The following DCDC2 variants were observed in gnomAD, a reference collection of about 807,000 sequenced individuals.
DCDC2 encodes the protein doublecortin domain containing 2, also known as doublecortin domain-containing protein 2.
DCDC2 carries 40 observed loss-of-function variants against 50.2 expected under a neutral mutation model. The observed-to-expected ratio is 0.80, with a 90% CI of 0.62 to 1.04. The LOEUF (loss-of-function observed/expected upper bound fraction) is 1.04, where lower values mean the gene tolerates loss of function less well. Ranked by LOEUF, DCDC2 falls within the 50% of genes least tolerant of loss-of-function variation. DCDC2 has a pLI of 0.00. For missense variants in DCDC2, 570 were observed against 581.9 expected (o/e 0.98, Z 0.21); for synonymous variants, 234 against 210.6 (o/e 1.11, Z -0.96).
At chr6:24,339,014 C>G (rs1296544939) in intron 2 of DCDC2, among the ~76,000 whole-genome samples, 1 of 133,362 alleles carries the variant, frequency 7.5e-6, no homozygotes, top group Non-Finnish European at 1.6e-5. Context: ...TCTCTACCTC[C>G]CATGCCTTAT....
At chr6:24,187,970 A>G (rs1761239986) in intron 8 of DCDC2, among the ~76,000 whole-genome samples, 1 of 152,256 alleles carries the variant, frequency 6.6e-6, no homozygotes, top group African/African-American at 2.4e-5. Flanking sequence ...AGTAGTGACA[A>G]AAGGATTTGA....
At chr6:24,281,487 GAAAAAAAAAAAA>G (rs59842458) in intron 6 of DCDC2, among the ~76,000 whole-genome samples, 7 of 83,782 alleles carry the variant, frequency 8.4e-5, no homozygotes, top group Non-Finnish European at 1.4e-4. Flanking sequence ...ATGCTTTTAA[GAAAAAAAAAAAA>G]AAAAAAAAAA....
At chr6:24,187,341 T>C (rs1408891614) in intron 8 of DCDC2, among the ~76,000 whole-genome samples, 1 of 152,114 alleles carries the variant, frequency 6.6e-6, no homozygotes, top group East Asian at 1.9e-4. Flanking sequence ...ATCCTATTAC[T>C]CATGCTGTTC....
intron 2 of DCDC2, among the ~76,000 whole-genome samples, chr6:24,304,723 A>G (rs60204333): frequency 0.033 from 5,000 of 152,278 alleles, 239 homozygotes; most frequent in African/African-American, 0.11. Context: ...CTGCTTTACC[A>G]ATTCTTCAGC....
chr6:24,302,361 T>G (rs1241494237), intron 2 of DCDC2, among the ~76,000 whole-genome samples: 1 of 151,912 alleles, frequency 6.6e-6, no homozygotes, highest in African/African-American at 2.4e-5. Flanking sequence ...AACAATGCAT[T>G]CTGAAAAACA....
intron 8 of DCDC2, among the ~76,000 whole-genome samples, chr6:24,196,612 A>C (rs1761448699): frequency 6.6e-6 from 1 of 152,036 alleles, no homozygotes; most frequent in South Asian, 2.1e-4. Context: ...AGTAGAGACC[A>C]GGTTTCACCG....
intron 7 of DCDC2, among the ~76,000 whole-genome samples, chr6:24,252,965 A>G (rs1444938101): frequency 1.3e-5 from 2 of 152,196 alleles, no homozygotes; most frequent in Non-Finnish European, 2.9e-5. Flanking sequence ...GAAAAAAATG[A>G]CATGGGAAAT....
chr6:24,368,547 C>T, the DCDC2 span, among the ~76,000 whole-genome samples: 1 of 152,142 alleles, frequency 6.6e-6, no homozygotes, highest in Non-Finnish European at 1.5e-5. Flanking sequence ...GGACTAAGAT[C>T]TTCAATGTGT....
chr6:24,234,521 G>C (rs1435705381), intron 7 of DCDC2, among the ~76,000 whole-genome samples: 2 of 152,116 alleles, frequency 1.3e-5, no homozygotes, highest in Non-Finnish European at 2.9e-5. Flanking sequence ...CTGTTAGGAG[G>C]TTATTGCTGC....
intron 9 of DCDC2, among the ~76,000 whole-genome samples, chr6:24,176,181 G>T (rs928426545): frequency 2.0e-5 from 3 of 152,110 alleles, no homozygotes; most frequent in Non-Finnish European, 2.9e-5. Context: ...TGTGGGCCCA[G>T]CTATCACAGG....
intron 7 of DCDC2, among the ~76,000 whole-genome samples, chr6:24,205,548 T>C (rs1167024976): frequency 7.5e-6 from 1 of 133,312 alleles, no homozygotes; most frequent in African/African-American, 2.6e-5. Context: ...GGAATAATTC[T>C]CTCTATTCAG....
chr6:24,380,610 A>G, the DCDC2 span, among the ~76,000 whole-genome samples: 1 of 152,218 alleles, frequency 6.6e-6, no homozygotes, highest in Non-Finnish European at 1.5e-5. Context: ...TTGGCAATAT[A>G]CATAATTTTT....
At chr6:24,306,726 T>G (rs1759483153) in intron 2 of DCDC2, among the ~76,000 whole-genome samples, 1 of 152,152 alleles carries the variant, frequency 6.6e-6, no homozygotes. Flanking sequence ...GTCTCTGACA[T>G]CTTATTTAGA....
intron 4 of DCDC2, among the ~76,000 whole-genome samples, chr6:24,296,979 T>C (rs1759265153): frequency 6.6e-6 from 1 of 152,130 alleles, no homozygotes; most frequent in Non-Finnish European, 1.5e-5. Flanking sequence ...CCCAAAAGAA[T>C]ATAAATCATT....
chr6:24,285,268 A>G (rs1007037096), intron 6 of DCDC2, among the ~76,000 whole-genome samples: 1 of 152,212 alleles, frequency 6.6e-6, no homozygotes, highest in African/African-American at 2.4e-5. Context: ...AAGTCATAGC[A>G]TGGAACTACG....
the DCDC2 span, among the ~76,000 whole-genome samples, chr6:24,363,941 C>T: frequency 6.6e-6 from 1 of 152,196 alleles, no homozygotes; most frequent in African/African-American, 2.4e-5. Context: ...ATATCATCAA[C>T]TTTGATGACA....
intron 9 of DCDC2, among the ~76,000 whole-genome samples, chr6:24,175,630 C>T (rs1760889060): frequency 6.6e-6 from 1 of 152,184 alleles, no homozygotes; most frequent in Admixed American, 6.5e-5. Context: ...TGAAATGTCT[C>T]AAATGGTATC....
At chr6:24,201,083 TAAGACAGATCAAC>T (rs144693508) in intron 8 of DCDC2, among the ~76,000 whole-genome samples, 27,029 of 151,904 alleles carry the variant, frequency 0.18, 2,727 homozygotes, top group African/African-American at 0.25. Context: ...GCTATCAATA[TAAGACAGATCAAC>T]GAGACAGAAC....
intron 8 of DCDC2, among the ~76,000 whole-genome samples, chr6:24,195,077 A>G (rs1168865173): frequency 6.6e-6 from 1 of 152,130 alleles, no homozygotes; most frequent in Non-Finnish European, 1.5e-5. Context: ...ACACACAAAC[A>G]TGCATGCTAG....
Sources: allele counts gnomAD v4.1 joint callset (sites outside exome capture counted in the v4.1 genomes callset), GRCh38; gene constraint gnomAD v4.1.1; transcripts MANE v1.5; gene names NCBI Gene and HGNC (gene_info 2026-07-23, HGNC 2026-07-21).